Variants in PPFIA1 observed in about 807,000 individuals in gnomAD.
PPFIA1 encodes PPFI scaffold protein A1.
Under a neutral mutation model 149.9 loss-of-function variants are expected in PPFIA1, and 25 were observed. The observed-to-expected ratio is 0.17, with a 90% CI of 0.12 to 0.23. PPFIA1 has a LOEUF of 0.23. Ranked by LOEUF, PPFIA1 falls within the 10% of genes least tolerant of loss-of-function variation. PPFIA1 has a pLI of 1.00. For missense variants in PPFIA1, 1,362 were observed against 1,506.5 expected (o/e 0.90, Z 1.59); for synonymous variants, 549 against 552.8 (o/e 0.99, Z 0.10).
chr11:70,325,510 G>A lies in PPFIA1; in HGVS notation c.542G>A (p.Arg181Gln), dbSNP rs372608196. 13 of 1,587,254 alleles carry A rather than the reference G, an allele frequency of 8.2e-6. No individual in the cohort carries two copies. The highest frequency in any genetic ancestry group is 6.6e-5 in the South Asian group (6 of 90,502). ...CCCTTTTATTTTCAGGTGAGAGAGC[G>A]ATTACGAGTAGCACTTGAAAGATGT... ...HKALDEKVRE[R>Q]LRVALERCSL... Residue 181 changes from arginine to glutamine, a missense_variant, in exon 5 of 28, where the codon CGA (arginine) becomes CAA (glutamine). This residue lies in a region of PPFIA1 where 79 missense variants were observed against 146.2 expected (regional missense o/e 0.54). Transcript: ENST00000253925.
chr11:70,381,499 G>A (rs552279273), intron 26 of PPFIA1, among the ~76,000 whole-genome samples: 9 of 152,220 alleles, frequency 5.9e-5, no homozygotes, highest in Admixed American at 2.6e-4. Context: ...CCTGGCCAAC[G>A]CCCCACCCCT....
intron 2 of PPFIA1, among the ~76,000 whole-genome samples, chr11:70,316,290 T>C (rs2053623147): frequency 6.6e-6 from 1 of 152,220 alleles, no homozygotes; most frequent in South Asian, 2.1e-4. Flanking sequence ...CAGGCTGGTC[T>C]TGAACTCCTT....
Position 70,372,272 on chromosome 11 carries a change from C to G in PPFIA1, c.2923C>G (p.Leu975Val), listed in dbSNP as rs2057302594. The G allele has an allele frequency of 6.2e-7, 1 of 1,614,098 alleles. No individual in the cohort carries two copies. Among genetic ancestry groups the G allele is most frequent in the Admixed American group, 1.7e-5 (1 of 60,002 alleles). ...GATCGGCAACGAGTGGCTCCCCAGCCTGGGCCTCCCCCAGTACCGCAGCTA... is the reference window on the plus strand; with the variant it reads ...GATCGGCAACGAGTGGCTCCCCAGCGTGGGCCTCCCCCAGTACCGCAGCTA... ...EWIGNEWLPS[L>V]GLPQYRSYFM... The change falls in exon 22 of 28, where the codon CTG becomes GTG. Residue 975 changes from leucine to valine, a missense_variant. This residue lies in a region of PPFIA1 where 349 missense variants were observed against 373.3 expected (regional missense o/e 0.93). Coordinates refer to ENST00000253925, the MANE Select transcript of PPFIA1 (RefSeq NM_003626.5).
intron 2 of PPFIA1, among the ~76,000 whole-genome samples, chr11:70,322,312 A>G (rs1352869982): frequency 6.6e-6 from 1 of 152,232 alleles, no homozygotes; most frequent in African/African-American, 2.4e-5. Context: ...AGATGATCTG[A>G]CAGTCAGCTA....
At position 70,383,160 on chromosome 11, in the gene PPFIA1, AC is replaced by A. The variant is rs2057772078; in HGVS notation, c.*172del. On this transcript the variant is annotated 3_prime_UTR_variant, in exon 28 of 28. Transcript: ENST00000253925. ...TTTAATTAGTGAAAAATTCATGAAT[AC>A]CATAGAGAAAATATTTTAGAATTTA... 2 of 351,134 alleles carry A rather than the reference AC, an allele frequency of 5.7e-6. No individual in the cohort carries two copies. Among genetic ancestry groups the A allele is most frequent in the South Asian group, 2.1e-5 (1 of 46,890 alleles). The allele number at this position is 351,134 out of a possible 1,614,324, so 21.8% of individuals were successfully genotyped here.
intron 2 of PPFIA1, among the ~76,000 whole-genome samples, chr11:70,286,854 C>T (rs1263707030): frequency 6.8e-6 from 1 of 147,700 alleles, no homozygotes; most frequent in Non-Finnish European, 1.5e-5. Flanking sequence ...CCTCAGCCTT[C>T]TAAGAAGCTG....
At chr11:70,329,546 G>A (rs940269333) in intron 7 of PPFIA1, among the ~76,000 whole-genome samples, 79 of 152,022 alleles carry the variant, frequency 5.2e-4, no homozygotes, top group African/African-American at 1.7e-3. Flanking sequence ...TGCTGGACTC[G>A]AGCAATCCTC....
intron 16 of PPFIA1, among the ~76,000 whole-genome samples, chr11:70,351,591 T>A (rs945701503): frequency 7.2e-5 from 11 of 152,254 alleles, no homozygotes; most frequent in African/African-American, 2.7e-4. Context: ...ACCATTTCCT[T>A]CAAGCATCAT....
chr11:70,345,945 G>A (rs1029893911), intron 15 of PPFIA1: 1 of 453,882 alleles, frequency 2.2e-6, no homozygotes, highest in African/African-American at 2.0e-5. Flanking sequence ...AGGAGTGCAC[G>A]GCTCCACTCC....
intron 15 of PPFIA1, among the ~76,000 whole-genome samples, chr11:70,345,603 T>G (rs1467287342): frequency 6.6e-6 from 1 of 151,944 alleles, no homozygotes; most frequent in African/African-American, 2.4e-5. Context: ...AGACTAGGAA[T>G]TGAGCCAGGG....
Position 70,326,830 on chromosome 11 carries a change from C to CA in PPFIA1, c.930+17dup. The stretch of plus-strand genomic sequence containing the variant: ...GAGATGTCCGTGAAGTGAGCAATAA[C>CA]AAAAACTACAGTCTTGTCATGAAGT... On this transcript the variant is annotated intron_variant, in intron 7 of 27. Coordinates refer to ENST00000253925, the MANE Select transcript of PPFIA1 (RefSeq NM_003626.5). The CA allele has an allele frequency of 6.3e-7, 1 of 1,597,784 alleles. No homozygotes were observed. The highest frequency in any genetic ancestry group is 8.6e-7 in the Non-Finnish European group (1 of 1,166,226).
At chr11:70,309,927 G>C (rs2053148301) in intron 2 of PPFIA1, among the ~76,000 whole-genome samples, 1 of 152,120 alleles carries the variant, frequency 6.6e-6, no homozygotes, top group African/African-American at 2.4e-5. Context: ...TTAGATAGTG[G>C]TAATGGTAAC....
At chr11:70,355,194 C>T (rs529829353) in intron 17 of PPFIA1, among the ~76,000 whole-genome samples, 3 of 152,298 alleles carry the variant, frequency 2.0e-5, no homozygotes, top group African/African-American at 4.8e-5. Flanking sequence ...TGAGCCACCG[C>T]GCCCGGCCCC....
At chr11:70,311,071 A>G (rs928796129) in intron 2 of PPFIA1, among the ~76,000 whole-genome samples, 2 of 152,208 alleles carry the variant, frequency 1.3e-5, no homozygotes, top group Admixed American at 1.3e-4. Context: ...AGGCTTCGGG[A>G]GGCCGAGGTG....
intron 2 of PPFIA1, among the ~76,000 whole-genome samples, chr11:70,296,276 G>A (rs1225084683): frequency 6.6e-6 from 1 of 152,084 alleles, no homozygotes; most frequent in Non-Finnish European, 1.5e-5. Flanking sequence ...TTCCTAGACG[G>A]GGTGGCGGCC....
chr11:70,348,196 C>T lies in PPFIA1; in HGVS notation c.1939C>T (p.Gln647Ter). ...GCTTTTGTTTTATTTTAGGTTGATTCAGGAAGAAAAAGAAAATACAGAGCA... is the reference window on the plus strand; with the variant it reads ...GCTTTTGTTTTATTTTAGGTTGATTTAGGAAGAAAAAGAAAATACAGAGCA... ...DAINKEIRLIQEEKENTEQRA... is the reference protein window; with the variant it reads ...DAINKEIRLI Residue 647 changes from glutamine (Q) to a stop codon, truncating the protein, a stop_gained, in exon 16 of 28, where the codon CAG becomes TAG. Coordinates refer to ENST00000253925, the MANE Select transcript of PPFIA1 (RefSeq NM_003626.5). LOFTEE classifies it high-confidence loss of function. The T allele has an allele frequency of 6.2e-7, 1 of 1,614,090 alleles. No homozygotes were observed. The highest frequency in any genetic ancestry group is 8.5e-7 in the Non-Finnish European group (1 of 1,180,000).
chr11:70,283,331 G>T (rs1483330291), intron 2 of PPFIA1, among the ~76,000 whole-genome samples: 1 of 152,160 alleles, frequency 6.6e-6, no homozygotes, highest in Non-Finnish European at 1.5e-5. Context: ...GAACTCTTTT[G>T]TGTGAAACCT....
intron 26 of PPFIA1, 149 bp downstream of exon 26, chr11:70,378,344 TAACTC>T (rs1264981422): frequency 7.6e-7 from 1 of 1,321,824 alleles, no homozygotes; most frequent in African/African-American, 1.5e-5. Context: ...GTTTTTAAAT[TAACTC>T]TAACATTTGT....
chr11:70,330,962 G>A (rs150407037), intron 8 of PPFIA1, among the ~76,000 whole-genome samples: 214 of 152,056 alleles, frequency 1.4e-3, no homozygotes, highest in African/African-American at 4.9e-3. Flanking sequence ...GGCCAGGCGC[G>A]GTGGCTCACA....
Sources: gnomAD v4.1 joint callset for allele counts (sites outside exome capture counted in the v4.1 genomes callset) on GRCh38, gnomAD v4.1.1 for gene constraint, gnomAD v4.1.1 regional missense constraint, MANE v1.5 for transcripts, NCBI Gene and HGNC (gene_info 2026-07-23, HGNC 2026-07-21) for gene names.